The following BRAF variants were observed in gnomAD, a reference collection of about 807,000 sequenced individuals.
The protein encoded by BRAF is B-Raf proto-oncogene, serine/threonine kinase, also known as serine/threonine-protein kinase B-raf.
Under a neutral mutation model 104.6 loss-of-function variants are expected in BRAF, and 16 were observed. The ratio of observed to expected loss-of-function variants is 0.15; its 90% CI spans 0.10 to 0.23. The LOEUF (loss-of-function observed/expected upper bound fraction) is 0.23. Ranked by LOEUF, BRAF falls within the 10% of genes least tolerant of loss-of-function variation. The pLI is 1.00. For synonymous variants in BRAF, 310 were observed against 341.6 expected, an observed-to-expected ratio of 0.91 and a Z score of 1.02; for missense variants, 541 against 937.3, an observed-to-expected ratio of 0.58 and a Z score of 5.52.
chr7:140,723,920 CAAAT>C lies in BRAF; in HGVS notation c.*2570_*2573del. 6 of 1,043,368 alleles carry C rather than the reference CAAAT, an allele frequency of 5.8e-6. No homozygotes were observed. The highest frequency in any genetic ancestry group is 6.9e-6 in the Non-Finnish European group (6 of 865,364). 64.6% of individuals were successfully genotyped at this position (1,043,368 alleles called of 1,614,324 possible). A position where few individuals can be genotyped will look rare whatever the true frequency, so the allele number is the denominator to read the frequency against. On this transcript the variant is annotated 3_prime_UTR_variant, in exon 20 of 20. Coordinates refer to ENST00000644969, the MANE Select transcript of BRAF (RefSeq NM_001374258.1). Reference sequence around the variant, plus strand: ...ATCAAAAAATAAAGCAGATAAAACACAAATAAAACCTATTTTCATGTCATTTGTA... The same window carrying C: ...ATCAAAAAATAAAGCAGATAAAACACAAAACCTATTTTCATGTCATTTGTA...
At chr7:140,875,495 C>G (rs1479798130) in intron 1 of BRAF, among the ~76,000 whole-genome samples, 1 of 152,342 alleles carries the variant, frequency 6.6e-6, no homozygotes, top group Admixed American at 6.5e-5. Context: ...CCTGCCTCAG[C>G]CTTCCTAGAA....
chr7:140,915,596 G>A (rs1191152063), intron 1 of BRAF, among the ~76,000 whole-genome samples: 5 of 151,548 alleles, frequency 3.3e-5, no homozygotes, highest in East Asian at 2.0e-4. Context: ...CACCATGCCC[G>A]GCTAATTTTT....
At chr7:140,718,455 G>A (rs1323399652), downstream of BRAF, among the ~76,000 whole-genome samples, 1 of 152,210 alleles carries the variant, frequency 6.6e-6, no homozygotes, top group Admixed American at 6.5e-5. Context: ...TCTCCATGTT[G>A]GTCAGGCTGG....
intron 1 of BRAF, among the ~76,000 whole-genome samples, chr7:140,860,497 T>C (rs536521657): frequency 6.9e-6 from 1 of 145,764 alleles, no homozygotes; most frequent in Non-Finnish European, 1.5e-5. Flanking sequence ...AAAAGAAAAT[T>C]AGTTGGATGC....
rs191047434 is a variant in BRAF at position 140,870,567 on chromosome 7, T to C, written c.139-20355A>G. Among the ~76,000 whole-genome samples, 11 of 152,066 alleles carry C rather than the reference T, an allele frequency of 7.2e-5. No individual in the cohort carries two copies. In the East Asian group the frequency reaches 2.1e-3, roughly 29 times the overall value. On this transcript the variant is annotated intron_variant, in intron 1 of 19. Coordinates refer to ENST00000644969, the MANE Select transcript of BRAF (RefSeq NM_001374258.1). ...TAGGTAATCTTAGTACTTCAAGTCT[T>C]TGCAGGTAGCTCTTTTTACTTCCAA...
intron 1 of BRAF, among the ~76,000 whole-genome samples, chr7:140,855,673 ATTACT>A (rs1404439575): frequency 4.9e-4 from 75 of 151,862 alleles, no homozygotes; most frequent in Non-Finnish European, 2.5e-4. Context: ...TATCTTCTAA[ATTACT>A]TTAAGAAGCT....
intron 17 of BRAF, chr7:140,740,268 T>C (rs1796805662): frequency 4.3e-6 from 1 of 230,260 alleles, no homozygotes; most frequent in Non-Finnish European, 8.5e-6. Context: ...GCCTCTTCTT[T>C]ACTTTAAAAA....
intron 14 of BRAF, among the ~76,000 whole-genome samples, chr7:140,755,387 A>G (rs924668750): frequency 3.9e-5 from 6 of 152,244 alleles, no homozygotes; most frequent in Non-Finnish European, 8.8e-5. Flanking sequence ...AAAATCATGC[A>G]ATAAACACTG....
At chr7:140,780,748 C>G (rs965290964) in intron 12 of BRAF, 2 of 152,252 alleles carry the variant, frequency 1.3e-5, no homozygotes, top group South Asian at 4.1e-4. Context: ...GATACATGTT[C>G]ACTTTCACTT....
chr7:140,809,094 T>C lies in BRAF; in HGVS notation c.505-99A>G, dbSNP rs552331643. 7 of 893,254 alleles carry C rather than the reference T, an allele frequency of 7.8e-6. No individual in the cohort carries two copies. In the South Asian group the frequency reaches 8.3e-5, roughly 11 times the overall value. The allele number at this position is 893,254 out of a possible 1,614,324, so 55.3% of individuals were successfully genotyped here. A position where few individuals can be genotyped will look rare whatever the true frequency, so the allele number is the denominator to read the frequency against. ...AGTAATTCATCTTTAAAAAGTCAAA[T>C]GGGTTACTAGGTCAGATACAACACC... On this transcript the variant is annotated intron_variant, in intron 3 of 19. Coordinates refer to ENST00000644969, the MANE Select transcript of BRAF (RefSeq NM_001374258.1).
chr7:140,837,097 CCCTAT>C (rs986909622), intron 2 of BRAF, among the ~76,000 whole-genome samples: 11 of 152,102 alleles, frequency 7.2e-5, no homozygotes, highest in Non-Finnish European at 1.3e-4. Flanking sequence ...TTCCATCTGT[CCCTAT>C]CCTCAAAGCT....
chr7:140,722,760 T>C lies in BRAF; in HGVS notation c.*3734A>G. 9.5e-7 allele frequency: 1 copy of C among 1,050,824 alleles called. No homozygotes were observed. The highest frequency in any genetic ancestry group is 1.1e-6 in the Non-Finnish European group (1 of 870,214). 65.1% of individuals were successfully genotyped at this position (1,050,824 alleles called of 1,614,324 possible). ...TGAGGATGTACTGTCATGCCAAGCCTACTGAAAATTAAAATTACATCACTG... is the reference window on the plus strand; with the variant it reads ...TGAGGATGTACTGTCATGCCAAGCCCACTGAAAATTAAAATTACATCACTG... On this transcript the variant is annotated 3_prime_UTR_variant, in exon 20 of 20. Transcript: ENST00000644969.
Position 140,721,497 on chromosome 7 carries a change from A to G in BRAF, c.*4997T>C. The G allele has an allele frequency of 7.7e-7, 1 of 1,305,380 alleles. No homozygotes were observed. The highest frequency in any genetic ancestry group is 9.7e-7 in the Non-Finnish European group (1 of 1,027,120). 80.9% of individuals were successfully genotyped at this position (1,305,380 alleles called of 1,614,324 possible). ...ATTTGAAAACAACAAAACAGAGCTT[A>G]CTGTCTAGTGTACTAATAAAACAAA... On this transcript the variant is annotated 3_prime_UTR_variant, in exon 20 of 20. Transcript: ENST00000644969.
intron 1 of BRAF, among the ~76,000 whole-genome samples, chr7:140,852,518 T>C (rs906124352): frequency 1.1e-4 from 16 of 152,126 alleles, no homozygotes; most frequent in African/African-American, 3.6e-4. Context: ...GAAGCAGTGA[T>C]AGAGGTTCCA....
At chr7:140,817,086 T>C (rs1046855274) in intron 3 of BRAF, among the ~76,000 whole-genome samples, 6 of 152,156 alleles carry the variant, frequency 3.9e-5, no homozygotes, top group African/African-American at 1.4e-4. Context: ...AAAACAATTA[T>C]AACTGACAAA....
intron 1 of BRAF, among the ~76,000 whole-genome samples, chr7:140,893,651 G>A (rs1203759952): frequency 1.3e-5 from 2 of 152,076 alleles, no homozygotes; most frequent in Non-Finnish European, 2.9e-5. Flanking sequence ...AAGGGTCTAT[G>A]AGGAGAAACG....
chr7:140,787,300 C>CAAAAA (rs1199383417), intron 9 of BRAF, among the ~76,000 whole-genome samples: 5 of 55,064 alleles, frequency 9.1e-5, no homozygotes, highest in Non-Finnish European at 1.5e-4. Flanking sequence ...GACTCCGTCT[C>CAAAAA]AAAAAAAAAA....
chr7:140,771,370 AT>A (rs956252751), intron 14 of BRAF, among the ~76,000 whole-genome samples: 14 of 151,532 alleles, frequency 9.2e-5, no homozygotes, highest in African/African-American at 3.4e-4. Context: ...TAATTTTTGT[AT>A]TTTTTGTAGA....
intron 10 of BRAF, among the ~76,000 whole-genome samples, chr7:140,785,490 C>T (rs1437524897): frequency 6.6e-6 from 1 of 152,126 alleles, no homozygotes; most frequent in Non-Finnish European, 1.5e-5. Flanking sequence ...AAATTTATGA[C>T]AGACAGCATA....
Sources: gnomAD v4.1 joint callset for allele counts (sites outside exome capture counted in the v4.1 genomes callset) on GRCh38, gnomAD v4.1.1 for gene constraint, MANE v1.5 for transcripts, NCBI Gene and HGNC (gene_info 2026-07-23, HGNC 2026-07-21) for gene names.